Variants in RARB observed in about 807,000 individuals in gnomAD.
RARB encodes the protein retinoic acid receptor beta.
A neutral mutation model predicts 51.9 loss-of-function variants in RARB; 17 were observed. The ratio of observed to expected loss-of-function variants is 0.33; its 90% CI spans 0.22 to 0.49. RARB has a LOEUF of 0.49. Ranked by LOEUF, RARB falls within the 20% of genes least tolerant of loss-of-function variation. The pLI, the probability that RARB is intolerant of heterozygous loss-of-function variation, is 0.99. For missense variants in RARB, 369 were observed against 550.8 expected, an observed-to-expected ratio of 0.67 and a Z score of 3.30; for synonymous variants, 215 against 195.4, an observed-to-expected ratio of 1.10 and a Z score of -0.84.
chr3:25,141,020 G>A (rs1700099277), intron 4 of RARB, among the ~76,000 whole-genome samples: 4 of 151,982 alleles, frequency 2.6e-5, no homozygotes, highest in African/African-American at 9.7e-5. Context: ...TATGCCCTGG[G>A]AAACCAAAAC....
At chr3:25,460,884 C>G (rs886153884) in intron 1 of RARB, among the ~76,000 whole-genome samples, 3 of 152,154 alleles carry the variant, frequency 2.0e-5, no homozygotes, top group Non-Finnish European at 4.4e-5. Flanking sequence ...TTAGACAAGT[C>G]ACTTCCTTCC....
chr3:25,178,778 C>T (rs1700806148), intron 5 of RARB, among the ~76,000 whole-genome samples: 1 of 152,194 alleles, frequency 6.6e-6, no homozygotes, highest in Admixed American at 6.5e-5. Context: ...ATAAGCATGA[C>T]TTCCAACAGG....
intron 4 of RARB, among the ~76,000 whole-genome samples, chr3:25,167,502 C>T (rs1159480680): frequency 6.6e-6 from 1 of 152,264 alleles, no homozygotes. Context: ...CAAGGAGATA[C>T]TAGCAGTGGA....
At chr3:25,355,212 T>A (rs1349493364) in intron 5 of RARB, among the ~76,000 whole-genome samples, 1 of 152,108 alleles carries the variant, frequency 6.6e-6, no homozygotes, top group Non-Finnish European at 1.5e-5. Context: ...TGGAGATTCA[T>A]GTGGGGACAT....
intron 3 of RARB, among the ~76,000 whole-genome samples, chr3:25,131,385 G>C (rs765768761): frequency 6.6e-6 from 1 of 151,976 alleles, no homozygotes; most frequent in Non-Finnish European, 1.5e-5. Flanking sequence ...AATGGACTTT[G>C]GAAAATAGTC....
chr3:25,211,749 A>G (rs1164908805), intron 5 of RARB, among the ~76,000 whole-genome samples: 3 of 152,250 alleles, frequency 2.0e-5, no homozygotes, highest in Non-Finnish European at 2.9e-5. Context: ...AGAAGCAGCC[A>G]TAAACAATAT....
At chr3:25,417,233 C>T (rs1197692221) in intron 5 of RARB, among the ~76,000 whole-genome samples, 1 of 150,672 alleles carries the variant, frequency 6.6e-6, no homozygotes, top group East Asian at 1.9e-4. Flanking sequence ...GTCTCTGAAT[C>T]TGAAGTGTGT....
intron 5 of RARB, among the ~76,000 whole-genome samples, chr3:25,374,927 AT>A (rs1706412605): frequency 6.6e-6 from 1 of 152,116 alleles, no homozygotes; most frequent in African/African-American, 2.4e-5. Flanking sequence ...CTCTAAGATT[AT>A]TTTTTTTCCT....
chr3:25,192,295 A>G (rs1232849544), intron 5 of RARB, among the ~76,000 whole-genome samples: 3 of 152,116 alleles, frequency 2.0e-5, no homozygotes, highest in Non-Finnish European at 4.4e-5. Context: ...ATCCTGCTAC[A>G]GTTAAAAGAT....
At chr3:25,576,587 A>G (rs972474837) in intron 4 of RARB, among the ~76,000 whole-genome samples, 2 of 152,226 alleles carry the variant, frequency 1.3e-5, no homozygotes, top group African/African-American at 4.8e-5. Flanking sequence ...ATGGTGGTCC[A>G]GGAGCACGCC....
chr3:25,065,067 C>T (rs180678054), intron 3 of RARB, among the ~76,000 whole-genome samples: 14 of 151,510 alleles, frequency 9.2e-5, no homozygotes, highest in South Asian at 2.1e-4. Context: ...TGGTACACCT[C>T]GGGATTTTTA....
intron 2 of RARB, among the ~76,000 whole-genome samples, chr3:24,927,103 TCTC>T (rs1695336634): frequency 6.6e-6 from 1 of 152,138 alleles, no homozygotes; most frequent in Non-Finnish European, 1.5e-5. Context: ...CCTCATATAT[TCTC>T]AAATTATACT....
intron 2 of RARB, among the ~76,000 whole-genome samples, chr3:24,882,172 G>A (rs1224782839): frequency 3.9e-5 from 6 of 152,124 alleles, no homozygotes; most frequent in Non-Finnish European, 5.9e-5. Flanking sequence ...AAAATCAATA[G>A]CAATATAATT....
chr3:25,365,964 A>G (rs1192283726), intron 5 of RARB, among the ~76,000 whole-genome samples: 1 of 152,218 alleles, frequency 6.6e-6, no homozygotes, highest in Non-Finnish European at 1.5e-5. Flanking sequence ...AGCTCTCTAT[A>G]GGAAGTCTGT....
At chr3:24,901,609 CAT>C (rs1348815768) in intron 2 of RARB, among the ~76,000 whole-genome samples, 6 of 152,172 alleles carry the variant, frequency 3.9e-5, no homozygotes, top group Admixed American at 2.0e-4. Flanking sequence ...TTCTTAAAAA[CAT>C]ATAAAAATAC....
At chr3:25,330,273 G>C (rs1045607855) in intron 5 of RARB, among the ~76,000 whole-genome samples, 1 of 152,128 alleles carries the variant, frequency 6.6e-6, no homozygotes, top group Non-Finnish European at 1.5e-5. Context: ...AGAAAGGTCA[G>C]GTTACCCACA....
chr3:25,067,223 T>G (rs753999464), intron 3 of RARB, among the ~76,000 whole-genome samples: 1 of 151,926 alleles, frequency 6.6e-6, no homozygotes, highest in Non-Finnish European at 1.5e-5. Context: ...AAACCAGAGG[T>G]TGGATGATAC....
chr3:24,841,222 T>C (rs1043503620), intron 1 of RARB, among the ~76,000 whole-genome samples: 1 of 152,222 alleles, frequency 6.6e-6, no homozygotes, highest in Non-Finnish European at 1.5e-5. Context: ...TTTTCCCACC[T>C]AAGGTGTTAT....
At chr3:25,050,197 C>T (rs567256136) in intron 2 of RARB, among the ~76,000 whole-genome samples, 21 of 152,220 alleles carry the variant, frequency 1.4e-4, no homozygotes, top group African/African-American at 2.9e-4. Flanking sequence ...GACTATGCAA[C>T]GGTCAAACCT....
Sources: gnomAD v4.1 joint callset for allele counts (sites outside exome capture counted in the v4.1 genomes callset) on GRCh38, gnomAD v4.1.1 for gene constraint, MANE v1.5 for transcripts, NCBI Gene and HGNC (gene_info 2026-07-23, HGNC 2026-07-21) for gene names.